KIF16B: variants seen among roughly 807,000 people sequenced by gnomAD.
KIF16B encodes the protein kinesin family member 16B.
Under a neutral mutation model 156.3 loss-of-function variants are expected in KIF16B, and 98 were observed. The observed-to-expected ratio is 0.63, with a 90% CI of 0.53 to 0.74. The LOEUF is 0.74. KIF16B is among the 30% of genes least tolerant of loss of function. The probability of loss-of-function intolerance (pLI) is 0.00; values close to 1 mark genes in which losing one functional copy is unlikely to be tolerated. For synonymous variants in KIF16B, 564 were observed against 583.7 expected, an observed-to-expected ratio of 0.97 and a Z score of 0.49; for missense variants, 1,421 against 1,606.5, an observed-to-expected ratio of 0.88 and a Z score of 1.97.
At chr20:16,310,808 C>T (rs2063608656) in intron 25 of KIF16B, among the ~76,000 whole-genome samples, 1 of 152,204 alleles carries the variant, frequency 6.6e-6, no homozygotes, top group Non-Finnish European at 1.5e-5. Context: ...TGAATTACTT[C>T]TTCAGATGTG....
intron 12 of KIF16B, among the ~76,000 whole-genome samples, chr20:16,466,722 C>T (rs7263619): frequency 0.2 from 30,380 of 152,104 alleles, 3,179 homozygotes; most frequent in African/African-American, 0.22. Flanking sequence ...TGAAAACACT[C>T]TAATACAGGT....
chr20:16,517,688 G>C (rs1192552678), intron 3 of KIF16B, among the ~76,000 whole-genome samples: 1 of 152,236 alleles, frequency 6.6e-6, no homozygotes, highest in South Asian at 2.1e-4. Flanking sequence ...AGGAACCCCA[G>C]GGGCACTCAG....
intron 1 of KIF16B, among the ~76,000 whole-genome samples, chr20:16,556,411 T>C (rs955879157): frequency 6.6e-6 from 1 of 152,196 alleles, no homozygotes; most frequent in African/African-American, 2.4e-5. Context: ...CAAAACACGA[T>C]GCTTTGCACT....
chr20:16,367,489 T>C lies in KIF16B; in HGVS notation c.3498+3097A>G. 6.2e-7 allele frequency: 1 copy of C among 1,612,882 alleles called. No homozygotes were observed. Among genetic ancestry groups the C allele is most frequent in the Non-Finnish European group, 8.5e-7 (1 of 1,179,882 alleles). ...AATGCGTGGATAAAAAACACAGTCT[T>C]CCTTCACCAGTGCAATGTGGGTGTT... On this transcript the variant is annotated intron_variant, in intron 22 of 25. Coordinates refer to ENST00000354981, the MANE Select transcript of KIF16B (RefSeq NM_024704.5).
At chr20:16,462,173 G>A (rs2067363137) in intron 12 of KIF16B, among the ~76,000 whole-genome samples, 1 of 152,106 alleles carries the variant, frequency 6.6e-6, no homozygotes, top group Admixed American at 6.5e-5. Flanking sequence ...CCCAGTGGGC[G>A]GAGGTTGCAG....
chr20:16,427,079 A>G (rs1345500945), intron 15 of KIF16B, 25 bp downstream of exon 15: 3 of 1,584,496 alleles, frequency 1.9e-6, no homozygotes, highest in Non-Finnish European at 2.6e-6. Flanking sequence ...ATATACAAAG[A>G]CCTGTGAAAA....
chr20:16,406,276 C>T lies in KIF16B; in HGVS notation c.1695+98G>A. The T allele has an allele frequency of 6.1e-6, 6 of 988,890 alleles. No individual in the cohort carries two copies. The South Asian group carries it at 7.9e-5, about 13-fold the overall frequency. 61.3% of individuals were successfully genotyped at this position (988,890 alleles called of 1,614,324 possible). A position where few individuals can be genotyped will look rare whatever the true frequency, so the allele number is the denominator to read the frequency against. Reference sequence around the variant, plus strand: ...ACAGAACTACTTTTCCACGGTTCTGCACCCCAGAAAGTCAAAAGATTGGAA... The same window carrying T: ...ACAGAACTACTTTTCCACGGTTCTGTACCCCAGAAAGTCAAAAGATTGGAA... On this transcript the variant is annotated intron_variant, in intron 16 of 25. Transcript: ENST00000354981.
At chr20:16,509,613 T>C (rs1438324538) in intron 6 of KIF16B, among the ~76,000 whole-genome samples, 1 of 152,226 alleles carries the variant, frequency 6.6e-6, no homozygotes, top group Non-Finnish European at 1.5e-5. Context: ...TGTATTTCCG[T>C]TTCTACAAAC....
Position 16,305,950 on chromosome 20 carries a change from C to T in KIF16B, c.3795+6385G>A, listed in dbSNP as rs6043879. On this transcript the variant is annotated intron_variant, in intron 25 of 25. Transcript: ENST00000354981. ...AGGTTGATTCCATATCTTGGCTTAT[C>T]AATCATGTTTTAAACCTCACTCTGT... Among the ~76,000 whole-genome samples the T allele has an allele frequency of 2.3e-3, 344 of 152,224 alleles. 4 individuals carry two copies. In the East Asian group the frequency reaches 0.03, roughly 13 times the overall value.
intron 15 of KIF16B, among the ~76,000 whole-genome samples, chr20:16,425,774 C>A (rs905878402): frequency 1.3e-5 from 2 of 152,088 alleles, no homozygotes; most frequent in Non-Finnish European, 2.9e-5. Flanking sequence ...GCCAAAAATG[C>A]ATATTAGTCT....
rs937436723 is a variant in KIF16B, at chr20:16,272,518, C to T, written c.*735G>A. 4 of 152,530 alleles carry T rather than the reference C, an allele frequency of 2.6e-5. No homozygotes were observed. Among genetic ancestry groups the T allele is most frequent in the Non-Finnish European group, 5.9e-5 (4 of 68,006 alleles). The allele number at this position is 152,530 out of a possible 1,614,324, so 9.4% of individuals were successfully genotyped here. On this transcript the variant is annotated 3_prime_UTR_variant, in exon 26 of 26. Coordinates refer to ENST00000354981, the MANE Select transcript of KIF16B (RefSeq NM_024704.5). ...TTAGCAGAAAAAGCTCAAGAATGCA[C>T]AGTAGCCATTTAGATTTGGGAGAAT...
chr20:16,412,915 TG>T (rs1233616369), intron 15 of KIF16B, among the ~76,000 whole-genome samples: 2 of 151,640 alleles, frequency 1.3e-5, no homozygotes, highest in Non-Finnish European at 2.9e-5. Flanking sequence ...TGAATGAGAA[TG>T]GCTGATAATG....
intron 12 of KIF16B, among the ~76,000 whole-genome samples, chr20:16,470,756 C>T (rs2067640879): frequency 6.6e-6 from 1 of 151,672 alleles, no homozygotes; most frequent in Non-Finnish European, 1.5e-5. Context: ...CTCAGCCTCT[C>T]AAAGTGTTGG....
intron 25 of KIF16B, among the ~76,000 whole-genome samples, chr20:16,293,891 G>A (rs1306988342): frequency 1.3e-5 from 2 of 152,124 alleles, no homozygotes; most frequent in African/African-American, 4.8e-5. Flanking sequence ...CAGGGAGGGC[G>A]AGTGTCCCTG....
chr20:16,553,594 A>G (rs2070741538), intron 1 of KIF16B, among the ~76,000 whole-genome samples: 2 of 152,252 alleles, frequency 1.3e-5, no homozygotes, highest in South Asian at 2.1e-4. Context: ...GCTTGTAAAC[A>G]TAAGCTCACA....
At chr20:16,335,020 T>G (rs990397902) in intron 24 of KIF16B, among the ~76,000 whole-genome samples, 1 of 152,190 alleles carries the variant, frequency 6.6e-6, no homozygotes, top group African/African-American at 2.4e-5. Flanking sequence ...ATATCAGATT[T>G]TAAAAAGGGT....
rs1350789848 is a variant in KIF16B at position 16,563,343 on chromosome 20, T to C, written c.47+9886A>G. Among the ~76,000 whole-genome samples the C allele has an allele frequency of 2.0e-5, 3 of 152,132 alleles. No homozygotes were observed. The East Asian group carries it at 5.8e-4, about 29-fold the overall frequency. ...CCCCTGTCTTTTTATAACCTGAACG[T>C]GAGGAAAGGCAGTCAAAGCCACCAA... On this transcript the variant is annotated intron_variant, in intron 1 of 25. Coordinates refer to ENST00000354981, the MANE Select transcript of KIF16B (RefSeq NM_024704.5).
chr20:16,567,666 T>C (rs563080891), intron 1 of KIF16B, among the ~76,000 whole-genome samples: 25 of 152,158 alleles, frequency 1.6e-4, no homozygotes, highest in South Asian at 4.2e-4. Flanking sequence ...GGTAAAGAAA[T>C]AAGCATAGGG....
In KIF16B at chr20:16,442,916, G is replaced by C. The variant is rs978286053; in HGVS notation, c.1303-12934C>G. Among the ~76,000 whole-genome samples the C allele has an allele frequency of 5.3e-5, 8 of 152,166 alleles. No individual in the cohort carries two copies. The South Asian group carries it at 1.7e-3, about 32-fold the overall frequency. On this transcript the variant is annotated intron_variant, in intron 12 of 25. Coordinates refer to ENST00000354981, the MANE Select transcript of KIF16B (RefSeq NM_024704.5). ...TTCTCACAATTCCCTTCTGAAAGAC[G>C]TACACTGCCCATGGCAAGGCACGCT...
Sources: allele counts gnomAD v4.1 joint callset (sites outside exome capture counted in the v4.1 genomes callset), GRCh38; gene constraint gnomAD v4.1.1; transcripts MANE v1.5; gene names NCBI Gene and HGNC (gene_info 2026-07-23, HGNC 2026-07-21).